ZNF709: variants seen among roughly 807,000 people sequenced by gnomAD.
ZNF709 encodes zinc finger protein 709.
A neutral mutation model predicts 10.6 loss-of-function variants in ZNF709; 15 were observed. That is an observed-to-expected ratio of 1.41 (90% CI 0.95 to 2.18). The LOEUF is 2.18. ZNF709 is among the 30% of genes most tolerant of loss of function. The probability of loss-of-function intolerance (pLI) is 0.00; values close to 1 mark genes in which losing one functional copy is unlikely to be tolerated. For synonymous variants in ZNF709, 194 were observed against 238.8 expected (o/e 0.81, Z 1.73); for missense variants, 589 against 774.0 (o/e 0.76, Z 2.84).
chr19:12,467,415 T>C (rs1250217385), intron 1 of ZNF709, among the ~76,000 whole-genome samples: 2 of 152,214 alleles, frequency 1.3e-5, no homozygotes, highest in African/African-American at 2.4e-5. Flanking sequence ...GGTGCCGTGA[T>C]TGCAGACGGA....
At chr19:12,482,420 T>C (rs1970737270) in intron 1 of ZNF709, among the ~76,000 whole-genome samples, 1 of 151,932 alleles carries the variant, frequency 6.6e-6, no homozygotes, top group Non-Finnish European at 1.5e-5. Flanking sequence ...GCTCCACACA[T>C]TCCCTCACCC....
At position 12,464,581 on chromosome 19, in the gene ZNF709, G is replaced by C. The variant is rs1004311423; in HGVS notation, c.1341C>G (p.Pro447=). The C allele has an allele frequency of 5.0e-6, 8 of 1,611,600 alleles. No homozygotes were observed. The African/African-American group carries it at 1.1e-4, about 22-fold the overall frequency. Residue 447 remains proline (P), a synonymous_variant, in exon 4 of 4, where the codon CCC becomes CCG. Transcript: ENST00000397732. ...IHERTHTGEK[P]YECKQCGKAF... is the part of the protein sequence containing the mutation. Reference sequence around the variant, plus strand: ...CTTTACCACACTGTTTACATTCATAGGGTTTCTCTCCAGTGTGAGTCCTTT... The same window carrying C: ...CTTTACCACACTGTTTACATTCATACGGTTTCTCTCCAGTGTGAGTCCTTT...
rs1327201715 is a variant in ZNF709 at position 12,461,729 on chromosome 19, A to G, written c.*2267T>C. 1 of 152,216 alleles carries G rather than the reference A, an allele frequency of 6.6e-6. No homozygotes were observed. The highest frequency in any genetic ancestry group is 1.9e-4 in the East Asian group (1 of 5,198). The allele number at this position is 152,216 out of a possible 1,614,324, so 9.4% of individuals were successfully genotyped here. A position where few individuals can be genotyped will look rare whatever the true frequency, so the allele number is the denominator to read the frequency against. Reference sequence around the variant, plus strand: ...AAATCCAAACTGCAGTGCATCTTTGAGTAGAACTTTTGAAGACAATTTGTG... The same window carrying G: ...AAATCCAAACTGCAGTGCATCTTTGGGTAGAACTTTTGAAGACAATTTGTG... On this transcript the variant is annotated 3_prime_UTR_variant, in exon 4 of 4. Transcript: ENST00000397732.
In ZNF709 at chr19:12,464,858, A is replaced by G. The variant is rs761542188; in HGVS notation, c.1064T>C (p.Met355Thr). 6 of 1,613,676 alleles carry G rather than the reference A, an allele frequency of 3.7e-6. No homozygotes were observed. Among genetic ancestry groups the G allele is most frequent in the East Asian group, 2.2e-5 (1 of 44,850 alleles). ...AGGTCCATTTCCAGTGTGCATTATCATATGTCTTCGATAGCTTGGAAGAGA... is the reference window on the plus strand; with the variant it reads ...AGGTCCATTTCCAGTGTGCATTATCGTATGTCTTCGATAGCTTGGAAGAGA... ...FISLPSYRRH[M>T]IMHTGNGPYK... The change falls in exon 4 of 4, where the codon ATG (methionine) becomes ACG (threonine). Residue 355 changes from methionine to threonine, a missense_variant. Transcript: ENST00000397732.
rs528964140 is a variant in ZNF709 at position 12,462,707 on chromosome 19, C to G, written c.*1289G>C. 13 of 152,032 alleles carry G rather than the reference C, an allele frequency of 8.6e-5. No individual in the cohort carries two copies. Among genetic ancestry groups the G allele is most frequent in the Admixed American group, 8.5e-4 (13 of 15,264 alleles). The allele number at this position is 152,032 out of a possible 1,614,324, so 9.4% of individuals were successfully genotyped here. On this transcript the variant is annotated 3_prime_UTR_variant, in exon 4 of 4. Coordinates refer to ENST00000397732, the MANE Select transcript of ZNF709 (RefSeq NM_152601.4). ...ATATCTAGTACCTGCCACATAAGGC[C>G]AGTAGGAAATCCTAAAAATTACCAA... is the stretch of plus-strand genomic sequence containing the variant.
At chr19:12,467,315 T>C (rs565251996) in intron 1 of ZNF709, among the ~76,000 whole-genome samples, 2,067 of 151,040 alleles carry the variant, frequency 0.014, 36 homozygotes, top group African/African-American at 0.048. Flanking sequence ...GGTTTTCGTA[T>C]TTTTTTTGGT....
chr19:12,463,828 G>A lies in ZNF709; in HGVS notation c.*168C>T, dbSNP rs1437477281. ...TGTTGTCCCAGCTACTCAGGAAGCT[G>A]AGGCAGGAGAATCGCTTGAACCCAG... is the stretch of plus-strand genomic sequence containing the variant. On this transcript the variant is annotated 3_prime_UTR_variant, in exon 4 of 4. Coordinates refer to ENST00000397732, the MANE Select transcript of ZNF709 (RefSeq NM_152601.4). 2.1e-6 allele frequency: 1 copy of A among 478,000 alleles called. No individual in the cohort carries two copies. The highest frequency in any genetic ancestry group is 3.5e-6 in the Non-Finnish European group (1 of 289,222). 29.6% of individuals were successfully genotyped at this position (478,000 alleles called of 1,614,324 possible). A position where few individuals can be genotyped will look rare whatever the true frequency, so the allele number is the denominator to read the frequency against.
intron 1 of ZNF709, among the ~76,000 whole-genome samples, chr19:12,470,047 A>G (rs1970621751): frequency 1.3e-5 from 2 of 152,164 alleles, no homozygotes; most frequent in African/African-American, 4.8e-5. Context: ...AAGGATATGA[A>G]ATTCCCTTTC....
At position 12,464,005 on chromosome 19, in the gene ZNF709, A is replaced by C; in HGVS notation, c.1917T>G (p.Ser639Arg). ...GCTTATATACATAGGGTTACTCTCC[A>C]CTATGAACTCTTTCATGTATTCGAA... ...RSFRIHERVH[S>R]GE Residue 639 changes from serine to arginine, a missense_variant, in exon 4 of 4, where the codon AGT (serine) becomes AGG (arginine). Physicochemically the swap from Ser to Arg is moderately radical, Grantham distance 110 (BLOSUM62 -1). Coordinates refer to ENST00000397732, the MANE Select transcript of ZNF709 (RefSeq NM_152601.4). 2 of 1,488,020 alleles carry C rather than the reference A, an allele frequency of 1.3e-6. No homozygotes were observed. Among genetic ancestry groups the C allele is most frequent in the Non-Finnish European group, 1.8e-6 (2 of 1,120,574 alleles). The allele number at this position is 1,488,020 out of a possible 1,614,324, so 92.2% of individuals were successfully genotyped here.
At chr19:12,484,347 T>A (rs1476748741) in intron 1 of ZNF709, among the ~76,000 whole-genome samples, 1 of 152,140 alleles carries the variant, frequency 6.6e-6, no homozygotes, top group South Asian at 2.1e-4. Context: ...ATTCCCTCCA[T>A]GACCCTCCCG....
chr19:12,476,756 G>C (rs2145003537), intron 1 of ZNF709, among the ~76,000 whole-genome samples: 1 of 152,352 alleles, frequency 6.6e-6, no homozygotes, highest in African/African-American at 2.4e-5. Context: ...TAGTGTCAGG[G>C]ATGGAGCGGC....
Position 12,465,564 on chromosome 19 carries a change from G to A in ZNF709, c.358C>T (p.His120Tyr). ...DYMCHSSLNR[H>Y]MRSHTEHRSY... ...CTATGTTCAGTATGAGATCTCATGT[G>A]CCTATTAAGAGATGAATGACACATA... The change falls in exon 4 of 4, where the codon CAC (histidine) becomes TAC (tyrosine). Residue 120 changes from histidine to tyrosine, a missense_variant. By Grantham distance (83) the His-to-Tyr change is moderately conservative (BLOSUM62 2). Around this residue, in one of 2 missense-constraint regions of ZNF709, gnomAD observed 418 missense variants for 496.3 expected, o/e 0.84. Coordinates refer to ENST00000397732, the MANE Select transcript of ZNF709 (RefSeq NM_152601.4). 6.2e-7 allele frequency: 1 copy of A among 1,613,878 alleles called. No individual in the cohort carries two copies. The highest frequency in any genetic ancestry group is 8.5e-7 in the Non-Finnish European group (1 of 1,179,980).
intron 1 of ZNF709, among the ~76,000 whole-genome samples, chr19:12,481,394 C>G (rs1054784010): frequency 6.6e-6 from 1 of 152,038 alleles, no homozygotes; most frequent in African/African-American, 2.4e-5. Flanking sequence ...CCAAAAATTA[C>G]ATGTCTGGTT....
At chr19:12,483,827 GCCC>G (rs1970753061) in intron 1 of ZNF709, among the ~76,000 whole-genome samples, 2 of 152,246 alleles carry the variant, frequency 1.3e-5, no homozygotes, top group African/African-American at 4.8e-5. Context: ...AAGGTGATAA[GCCC>G]AGGGAGGGGA....
At position 12,465,050 on chromosome 19, in the gene ZNF709, C is replaced by T; in HGVS notation, c.872G>A (p.Cys291Tyr). 2.5e-6 allele frequency: 4 copies of T among 1,612,842 alleles called. No individual in the cohort carries two copies. The highest frequency in any genetic ancestry group is 3.4e-6 in the Non-Finnish European group (4 of 1,179,590). The change falls in exon 4 of 4, where the codon TGT becomes TAT. Residue 291 changes from cysteine (C) to tyrosine (Y), a missense_variant. Physicochemically the swap from Cys to Tyr is radical, Grantham distance 194. Around this residue, in one of 2 missense-constraint regions of ZNF709, gnomAD observed 418 missense variants for 496.3 expected, o/e 0.84. Transcript: ENST00000397732. ...TTCATGACTTCGAAAGGATGTGGGA[C>T]AACTAAGAGCTTTACCACATTGCTT... ...QCKQCGKALS[C>Y]PTSFRSHERI...
chr19:12,474,185 A>G (rs1417878922), intron 1 of ZNF709, among the ~76,000 whole-genome samples: 1 of 152,192 alleles, frequency 6.6e-6, no homozygotes, highest in African/African-American at 2.4e-5. Context: ...TGTATTCTTC[A>G]GCTTCATCTC....
chr19:12,480,995 G>T (rs887490499), intron 1 of ZNF709, among the ~76,000 whole-genome samples: 1 of 149,396 alleles, frequency 6.7e-6, no homozygotes, highest in Non-Finnish European at 1.5e-5. Context: ...TGTTGCCCAC[G>T]CTAGTCTCAA....
intron 1 of ZNF709, among the ~76,000 whole-genome samples, chr19:12,480,105 T>C (rs1437744204): frequency 3.3e-5 from 5 of 151,830 alleles, no homozygotes; most frequent in Non-Finnish European, 7.4e-5. Context: ...TAGTGAGTTA[T>C]GATTGTGCCA....
chr19:12,479,890 C>G (rs1014696128), intron 1 of ZNF709, among the ~76,000 whole-genome samples: 3 of 151,850 alleles, frequency 2.0e-5, no homozygotes, highest in Non-Finnish European at 4.4e-5. Flanking sequence ...CTGAATCCAG[C>G]TGGGTGTGGT....
Sources: gnomAD v4.1 joint callset for allele counts (sites outside exome capture counted in the v4.1 genomes callset) on GRCh38, gnomAD v4.1.1 for gene constraint, gnomAD v4.1.1 regional missense constraint, MANE v1.5 for transcripts, NCBI Gene and HGNC (gene_info 2026-07-23, HGNC 2026-07-21) for gene names.